Variants in PPP2R5E observed in about 807,000 individuals in gnomAD.
The protein encoded by PPP2R5E is serine/threonine-protein phosphatase 2A 56 kDa regulatory subunit epsilon isoform.
A neutral mutation model predicts 65.3 loss-of-function variants in PPP2R5E; 4 were observed. The ratio of observed to expected loss-of-function variants is 0.06; its 90% CI spans 0.03 to 0.14. The LOEUF (loss-of-function observed/expected upper bound fraction) is 0.14, where lower values mean the gene tolerates loss of function less well. PPP2R5E is among the 10% of genes least tolerant of loss of function. The pLI is 1.00. For missense variants in PPP2R5E, 274 were observed against 556.1 expected (o/e 0.49, Z 5.10); for synonymous variants, 183 against 187.4 (o/e 0.98, Z 0.19).
At chr14:63,508,057 T>C (rs1030618992) in intron 2 of PPP2R5E, 17 of 791,034 alleles carry the variant, frequency 2.1e-5, no homozygotes, top group Non-Finnish European at 2.3e-5. Flanking sequence ...TCCAATGTAA[T>C]AGCCTGATCC....
At chr14:63,473,851 CA>C (rs1890260304) in intron 2 of PPP2R5E, among the ~76,000 whole-genome samples, 1 of 152,014 alleles carries the variant, frequency 6.6e-6, no homozygotes, top group Middle Eastern at 3.2e-3. Flanking sequence ...AGAAAAATTG[CA>C]ATAGAAAAGC....
chr14:63,488,498 C>A (rs2139622788), intron 2 of PPP2R5E, among the ~76,000 whole-genome samples: 1 of 152,194 alleles, frequency 6.6e-6, no homozygotes, highest in Non-Finnish European at 1.5e-5. Context: ...CCACTGTACC[C>A]AGCCGTGTGA....
chr14:63,448,885 T>C (rs1888659321), intron 3 of PPP2R5E, among the ~76,000 whole-genome samples: 1 of 152,138 alleles, frequency 6.6e-6, no homozygotes, highest in African/African-American at 2.4e-5. Flanking sequence ...GCTGCTTTGC[T>C]TTCCTAATTC....
At chr14:63,490,178 T>C (rs970384201) in intron 2 of PPP2R5E, among the ~76,000 whole-genome samples, 1 of 152,054 alleles carries the variant, frequency 6.6e-6, no homozygotes, top group Non-Finnish European at 1.5e-5. Context: ...TTGGGAAATA[T>C]GACTAGTCCT....
At chr14:63,538,331 G>C (rs114811258) in intron 2 of PPP2R5E, among the ~76,000 whole-genome samples, 2 of 151,084 alleles carry the variant, frequency 1.3e-5, no homozygotes, top group Admixed American at 6.6e-5. Flanking sequence ...CACGATCTGG[G>C]CTCACTTCAA....
chr14:63,481,753 T>A (rs112920815), intron 2 of PPP2R5E, among the ~76,000 whole-genome samples: 1,631 of 152,322 alleles, frequency 0.011, 28 homozygotes, highest in African/African-American at 0.036. Flanking sequence ...TAACACAGCC[T>A]CATGGTCACA....
At chr14:63,511,099 A>T (rs942882848) in intron 2 of PPP2R5E, among the ~76,000 whole-genome samples, 1 of 152,222 alleles carries the variant, frequency 6.6e-6, no homozygotes, top group Admixed American at 6.5e-5. Context: ...CTGCAGTATA[A>T]TTTTATAGCT....
At chr14:63,382,898 T>G (rs1262373375) in intron 12 of PPP2R5E, among the ~76,000 whole-genome samples, 1 of 151,440 alleles carries the variant, frequency 6.6e-6, no homozygotes, top group Non-Finnish European at 1.5e-5. Flanking sequence ...CAGAAGCTAC[T>G]TCCCTAGAAA....
intron 2 of PPP2R5E, among the ~76,000 whole-genome samples, chr14:63,464,667 A>G (rs1195172858): frequency 6.6e-6 from 1 of 152,182 alleles, no homozygotes; most frequent in African/African-American, 2.4e-5. Flanking sequence ...TTTACTGTTT[A>G]CTGACAATGG....
intron 5 of PPP2R5E, among the ~76,000 whole-genome samples, chr14:63,410,856 A>G (rs1886354467): frequency 6.6e-6 from 1 of 152,168 alleles, no homozygotes; most frequent in African/African-American, 2.4e-5. Flanking sequence ...CACTTTCACA[A>G]TTCATTCAGG....
At chr14:63,528,083 T>C (rs1893256432) in intron 2 of PPP2R5E, among the ~76,000 whole-genome samples, 1 of 151,924 alleles carries the variant, frequency 6.6e-6, no homozygotes, top group Non-Finnish European at 1.5e-5. Context: ...AAAAAAAACC[T>C]TCAAATACAA....
At chr14:63,426,459 G>A (rs920148866) in intron 3 of PPP2R5E, among the ~76,000 whole-genome samples, 3 of 151,854 alleles carry the variant, frequency 2.0e-5, no homozygotes, top group African/African-American at 7.3e-5. Flanking sequence ...AAAGGCAATT[G>A]AAAATTGTGT....
At position 63,455,786 on chromosome 14, in the gene PPP2R5E, G is replaced by C. The variant is rs548815647; in HGVS notation, c.158-1901C>G. Among the ~76,000 whole-genome samples, 6 of 152,146 alleles carry C rather than the reference G, an allele frequency of 3.9e-5. No homozygotes were observed. The East Asian group carries it at 1.2e-3, about 29-fold the overall frequency. ...AGATCGAAATCAGACCCCAGACCTAGCAGCCGAATGGGAATACTGATGCTG... is the reference window on the plus strand; with the variant it reads ...AGATCGAAATCAGACCCCAGACCTACCAGCCGAATGGGAATACTGATGCTG... On this transcript the variant is annotated intron_variant, in intron 2 of 13. Coordinates refer to ENST00000337537, the MANE Select transcript of PPP2R5E (RefSeq NM_006246.5).
chr14:63,385,941 T>A (rs1884641279), intron 11 of PPP2R5E, among the ~76,000 whole-genome samples: 1 of 152,220 alleles, frequency 6.6e-6, no homozygotes, highest in African/African-American at 2.4e-5. Flanking sequence ...CAACTGGCTC[T>A]AATTTGGTCT....
intron 3 of PPP2R5E, among the ~76,000 whole-genome samples, chr14:63,432,302 G>T (rs569779823): frequency 6.6e-6 from 1 of 152,116 alleles, no homozygotes; most frequent in Non-Finnish European, 1.5e-5. Context: ...AGAAGCAGTC[G>T]GAGTATTTAG....
At chr14:63,405,804 C>CA (rs1162610793) in intron 5 of PPP2R5E, among the ~76,000 whole-genome samples, 4 of 152,108 alleles carry the variant, frequency 2.6e-5, no homozygotes, top group African/African-American at 9.7e-5. Context: ...TAAGAATAGA[C>CA]AAAATTGTTC....
intron 13 of PPP2R5E, among the ~76,000 whole-genome samples, chr14:63,380,243 G>T (rs567898777): frequency 6.2e-4 from 95 of 152,212 alleles, no homozygotes; most frequent in African/African-American, 2.3e-3. Context: ...CTTTAACGAT[G>T]CAACACAGTA....
At chr14:63,542,727 C>A in intron 1 of PPP2R5E, 52 bp downstream of exon 1, 1 of 153,592 alleles carries the variant, frequency 6.5e-6, no homozygotes, top group Non-Finnish European at 1.5e-5. Flanking sequence ...CCAGGAGGAC[C>A]GGGAGGAAGA....
At chr14:63,495,417 C>CAAAAAAAAAAAAAAAAAAAAAAAA (rs772700927) in intron 2 of PPP2R5E, among the ~76,000 whole-genome samples, 2 of 93,230 alleles carry the variant, frequency 2.1e-5, no homozygotes, top group Non-Finnish European at 4.6e-5. Context: ...ACTAAAAATA[C>CAAAAAAAAAAAAAAAAAAAAAAAA]AAAAAAAAAA....
Sources: gnomAD v4.1 joint callset for allele counts (sites outside exome capture counted in the v4.1 genomes callset) on GRCh38, gnomAD v4.1.1 for gene constraint, MANE v1.5 for transcripts, NCBI Gene and HGNC (gene_info 2026-07-23, HGNC 2026-07-21) for gene names.